CCDC91: variants seen among roughly 807,000 people sequenced by gnomAD.
CCDC91 encodes coiled-coil domain-containing protein 91.
A neutral mutation model predicts 63.2 loss-of-function variants in CCDC91; 48 were observed. The observed-to-expected ratio is 0.76, with a 90% CI of 0.60 to 0.97. The LOEUF (loss-of-function observed/expected upper bound fraction) is 0.97. Ranked by LOEUF, CCDC91 falls within the 50% of genes least tolerant of loss-of-function variation. The probability of loss-of-function intolerance (pLI) is 0.00; values close to 1 mark genes in which losing one functional copy is unlikely to be tolerated. For missense variants in CCDC91, 500 were observed against 494.6 expected (o/e 1.01, Z -0.10); for synonymous variants, 167 against 165.8 (o/e 1.01, Z -0.06).
At chr12:28,532,512 G>C (rs1941821846) in intron 12 of CCDC91, among the ~76,000 whole-genome samples, 1 of 151,964 alleles carries the variant, frequency 6.6e-6, no homozygotes, top group South Asian at 2.1e-4. Flanking sequence ...TATATTACAA[G>C]GATAAAATGG....
At chr12:28,200,561 A>G (rs1942149823) in intron 1 of CCDC91, among the ~76,000 whole-genome samples, 1 of 148,518 alleles carries the variant, frequency 6.7e-6, no homozygotes, top group Non-Finnish European at 1.5e-5. Context: ...TTTAACCCTG[A>G]GTGGACACAG....
chr12:28,522,225 TATTA>T (rs1368688364), intron 12 of CCDC91, among the ~76,000 whole-genome samples: 1 of 152,204 alleles, frequency 6.6e-6, no homozygotes, highest in Non-Finnish European at 1.5e-5. Flanking sequence ...GTTGGTAAAC[TATTA>T]ATTATTGCCT....
chr12:28,280,190 T>TTGTA (rs1179226631), intron 3 of CCDC91, among the ~76,000 whole-genome samples: 1 of 152,304 alleles, frequency 6.6e-6, no homozygotes, highest in East Asian at 1.9e-4. Context: ...GCAGTCATGC[T>TTGTA]TGTATTTTGA....
chr12:28,449,150 A>G (rs1339502546), intron 8 of CCDC91, among the ~76,000 whole-genome samples: 1 of 152,096 alleles, frequency 6.6e-6, no homozygotes, highest in African/African-American at 2.4e-5. Flanking sequence ...CATAATTAAA[A>G]GCAGGAATAA....
chr12:28,534,914 CTGCTATCACCAAAAGACT>C (rs1271295186), intron 12 of CCDC91, among the ~76,000 whole-genome samples: 1 of 152,146 alleles, frequency 6.6e-6, no homozygotes, highest in African/African-American at 2.4e-5. Context: ...ATCTAAACCT[CTGCTATCACCAAAAGACT>C]ATATTTTTGG....
intron 1 of CCDC91, among the ~76,000 whole-genome samples, chr12:28,207,717 C>T (rs925808150): frequency 1.3e-5 from 2 of 152,116 alleles, no homozygotes; most frequent in Non-Finnish European, 2.9e-5. Context: ...GTCACCACAT[C>T]AATATATTTA....
chr12:28,500,331 GA>G (rs1239660091), intron 12 of CCDC91, among the ~76,000 whole-genome samples: 3 of 151,990 alleles, frequency 2.0e-5, no homozygotes, highest in African/African-American at 7.2e-5. Flanking sequence ...TTGCTGTGCA[GA>G]AGCTCTTTAG....
rs116031628 is a variant in CCDC91 at position 28,369,722 on chromosome 12, C to A, written c.654+7207C>A. The stretch of plus-strand genomic sequence containing the variant: ...TCTGCCTCGACATCCAGGCATTTAC[C>A]TACATCCTCTGAAATCTAGGCAAAG... On this transcript the variant is annotated intron_variant, in intron 7 of 12. Transcript: ENST00000536442. 9.2e-3 allele frequency among the ~76,000 whole-genome samples: 1,402 copies of A among 152,258 alleles called. 27 individuals carry two copies. Among genetic ancestry groups the A allele is most frequent in the African/African-American group, 0.032 (1,332 of 41,540 alleles).
At chr12:28,245,907 T>C (rs1295895809) in intron 1 of CCDC91, among the ~76,000 whole-genome samples, 1 of 152,122 alleles carries the variant, frequency 6.6e-6, no homozygotes, top group Non-Finnish European at 1.5e-5. Context: ...ATTTTACTCA[T>C]AGGCATATAC....
chr12:28,242,287 C>T (rs868200053), intron 1 of CCDC91, among the ~76,000 whole-genome samples: 1 of 152,118 alleles, frequency 6.6e-6, no homozygotes, highest in Non-Finnish European at 1.5e-5. Flanking sequence ...TCATTACAAA[C>T]AAAGAAGCTT....
intron 3 of CCDC91, among the ~76,000 whole-genome samples, chr12:28,271,214 A>G (rs1266805432): frequency 6.6e-6 from 1 of 152,114 alleles, no homozygotes; most frequent in East Asian, 1.9e-4. Context: ...GCAGAGACAG[A>G]GGGAAACAGA....
At chr12:28,519,831 G>C (rs1418351571) in intron 12 of CCDC91, among the ~76,000 whole-genome samples, 1 of 148,660 alleles carries the variant, frequency 6.7e-6, no homozygotes. Context: ...TTGGTTTTCT[G>C]TCCTTGCGAT....
chr12:28,349,836 T>A (rs1943062213), intron 6 of CCDC91, among the ~76,000 whole-genome samples: 1 of 152,180 alleles, frequency 6.6e-6, no homozygotes, highest in African/African-American at 2.4e-5. Context: ...CCCTCATTCC[T>A]CTGTTACAAC....
chr12:28,261,755 G>T (rs1299724589), intron 3 of CCDC91, among the ~76,000 whole-genome samples: 3 of 151,866 alleles, frequency 2.0e-5, no homozygotes, highest in East Asian at 3.9e-4. Context: ...TGTCACATCT[G>T]CACGTCTGTG....
At chr12:28,278,551 G>C (rs1317747975) in intron 3 of CCDC91, among the ~76,000 whole-genome samples, 1 of 152,050 alleles carries the variant, frequency 6.6e-6, no homozygotes, top group African/African-American at 2.4e-5. Flanking sequence ...TCATCTAGGA[G>C]CATAAGCCAG....
In CCDC91 at chr12:28,195,721, G is replaced by A. The variant is rs141706138; in HGVS notation, c.-15+5080G>A. ...CTCTTTATTTCTATATAAAAGCATT[G>A]TGGAATTTTTAGTATGATTGCATTG... On this transcript the variant is annotated intron_variant, in intron 1 of 12. Transcript: ENST00000536442. Among the ~76,000 whole-genome samples the A allele has an allele frequency of 2.6e-5, 4 of 152,268 alleles. No homozygotes were observed. The East Asian group carries it at 7.7e-4, about 29-fold the overall frequency.
chr12:28,364,989 TCAA>T (rs1456194305), intron 7 of CCDC91, among the ~76,000 whole-genome samples: 2 of 152,188 alleles, frequency 1.3e-5, no homozygotes, highest in African/African-American at 4.8e-5. Flanking sequence ...GATGTGGAAT[TCAA>T]CAAGTCATAT....
chr12:28,201,199 A>G (rs12869900), intron 1 of CCDC91, among the ~76,000 whole-genome samples: 8 of 131,002 alleles, frequency 6.1e-5, no homozygotes, highest in East Asian at 2.5e-4. Flanking sequence ...AGACGGGGTG[A>G]CTGCTGGGCG....
intron 6 of CCDC91, among the ~76,000 whole-genome samples, chr12:28,335,155 ATATAT>A (rs1941837763): frequency 7.1e-6 from 1 of 140,468 alleles, no homozygotes; most frequent in South Asian, 2.2e-4. Flanking sequence ...TATTTATAAC[ATATAT>A]TAAATATAAT....
Sources: gnomAD v4.1 joint callset for allele counts (sites outside exome capture counted in the v4.1 genomes callset) on GRCh38, gnomAD v4.1.1 for gene constraint, MANE v1.5 for transcripts, NCBI Gene and HGNC (gene_info 2026-07-23, HGNC 2026-07-21) for gene names.